The following ZNF674 variants were observed in gnomAD, a reference collection of about 807,000 sequenced individuals.
ZNF674 encodes zinc finger protein 674.
Under a neutral mutation model 7.0 loss-of-function variants are expected in ZNF674, and 2 were observed. The observed-to-expected ratio is 0.29, with a 90% CI of 0.12 to 0.90. ZNF674 has a LOEUF of 0.90. ZNF674 is among the 40% of genes least tolerant of loss of function. The pLI, the probability that ZNF674 is intolerant of heterozygous loss-of-function variation, is 0.57. For synonymous variants in ZNF674, 103 were observed against 145.2 expected (o/e 0.71, Z 2.09); for missense variants, 297 against 415.5 (o/e 0.71, Z 2.48).
intron 3 of ZNF674, among the ~76,000 whole-genome samples, chrX:46,535,458 A>G (rs1288844492): frequency 2.7e-5 from 3 of 111,881 alleles, no homozygotes; most frequent in African/African-American, 9.7e-5. Flanking sequence ...AAATTATATT[A>G]TGAAACATCA....
intron 5 of ZNF674, among the ~76,000 whole-genome samples, chrX:46,503,803 G>A (rs1011860695): frequency 2.7e-5 from 3 of 111,534 alleles, no homozygotes; most frequent in Admixed American, 9.6e-5. Context: ...CACTTATGAC[G>A]GATAAGAGGT....
intron 3 of ZNF674, among the ~76,000 whole-genome samples, chrX:46,529,907 A>T (rs1451686172): frequency 2.7e-5 from 3 of 111,507 alleles, no homozygotes; most frequent in Non-Finnish European, 5.6e-5. Context: ...AGTTCTAAAC[A>T]TAGCTAATCA....
chrX:46,530,850 G>A (rs747795703), intron 3 of ZNF674, among the ~76,000 whole-genome samples: 2 of 112,741 alleles, frequency 1.8e-5, no homozygotes, highest in South Asian at 3.6e-4. Context: ...ACTCCTGGGA[G>A]GGGAGAGGAG....
intron 5 of ZNF674, among the ~76,000 whole-genome samples, chrX:46,504,744 T>A (rs1017365653): frequency 8.1e-5 from 9 of 111,060 alleles, no homozygotes; most frequent in Non-Finnish European, 3.8e-5. Context: ...AAAAACATAG[T>A]TTAGAAGGAT....
Position 46,528,676 on chromosome X carries a change from G to A in ZNF674, c.142+107C>T, listed in dbSNP as rs920239051. ...GTGGGCAGTAACCCAAACTCACTGA[G>A]GGTGGTAACCCACACTCATTGTTCC... On this transcript the variant is annotated intron_variant, in intron 4 of 5. Coordinates refer to ENST00000683375, the MANE Select transcript of ZNF674 (RefSeq NM_001190417.2). 5.1e-4 allele frequency: 585 copies of A among 1,147,529 alleles called. 2 individuals carry two copies. Among genetic ancestry groups the A allele is most frequent in the Non-Finnish European group, 3.1e-4 (261 of 854,043 alleles). The allele number at this position is 1,147,529 out of a possible 1,213,427, so 94.6% of individuals were successfully genotyped here.
At chrX:46,524,938 C>T (rs1435385438) in intron 5 of ZNF674, among the ~76,000 whole-genome samples, 1 of 107,742 alleles carries the variant, frequency 9.3e-6, no homozygotes, top group Non-Finnish European at 1.9e-5. Flanking sequence ...TCAGCACAGG[C>T]GTTCGAGGCT....
chrX:46,512,306 G>A (rs1428246838), intron 5 of ZNF674, among the ~76,000 whole-genome samples: 2 of 102,486 alleles, frequency 2.0e-5, no homozygotes, highest in African/African-American at 3.6e-5. Flanking sequence ...CAGTTGCGGT[G>A]AGCCGAGATC....
intron 5 of ZNF674, among the ~76,000 whole-genome samples, chrX:46,524,698 GAAAA>G (rs566678084): frequency 1.3e-5 from 1 of 75,645 alleles, no homozygotes; most frequent in African/African-American, 4.8e-5. Flanking sequence ...AAGAAAAAAA[GAAAA>G]AAAAAAAAAA....
intron 5 of ZNF674, among the ~76,000 whole-genome samples, chrX:46,524,042 CAA>C (rs112490275): frequency 1.3e-4 from 9 of 70,400 alleles, no homozygotes; most frequent in African/African-American, 1.6e-4. Context: ...AACTCCATCT[CAA>C]AAAAAAAAAA....
intron 5 of ZNF674, chrX:46,525,406 C>T (rs778938128): frequency 8.5e-5 from 15 of 175,625 alleles, no homozygotes; most frequent in Admixed American, 7.8e-4. Context: ...AGTTCGAGAC[C>T]AGCCTGATGA....
At chrX:46,542,316 G>A (rs1160334867) in intron 2 of ZNF674, among the ~76,000 whole-genome samples, 200 bp from the exon 3 acceptor site, 1 of 112,228 alleles carries the variant, frequency 8.9e-6, no homozygotes, top group African/African-American at 3.2e-5. Context: ...CTGGACAGAT[G>A]TATGACTTGT....
At chrX:46,503,637 C>T (rs933159498) in intron 5 of ZNF674, among the ~76,000 whole-genome samples, 3 of 111,208 alleles carry the variant, frequency 2.7e-5, no homozygotes, top group East Asian at 2.8e-4. Context: ...AATAAAATTA[C>T]GGGAAAAGCT....
chrX:46,540,010 CGAG>C (rs1255748353), intron 3 of ZNF674, among the ~76,000 whole-genome samples: 2 of 111,599 alleles, frequency 1.8e-5, no homozygotes, highest in African/African-American at 6.5e-5. Flanking sequence ...TCTGGGAGGC[CGAG>C]GAGGGCGGAT....
chrX:46,512,607 A>T (rs749923275), intron 5 of ZNF674, among the ~76,000 whole-genome samples: 10 of 107,553 alleles, frequency 9.3e-5, no homozygotes, highest in African/African-American at 1.0e-4. Context: ...ACAAAAATAT[A>T]AAAAAAATTA....
intron 5 of ZNF674, among the ~76,000 whole-genome samples, chrX:46,505,895 T>G (rs1288826573): frequency 8.9e-6 from 1 of 111,970 alleles, no homozygotes; most frequent in East Asian, 2.8e-4. Context: ...CCCAGCTCCA[T>G]GAAAACTGGT....
intron 5 of ZNF674, among the ~76,000 whole-genome samples, chrX:46,513,533 A>G (rs188246092): frequency 2.2e-3 from 248 of 111,969 alleles, no homozygotes; most frequent in Non-Finnish European, 3.9e-3. Context: ...TTTAACATTG[A>G]TGATTCCTAT....
At position 46,499,983 on chromosome X, in the gene ZNF674, C is replaced by T. The variant is rs1207708058; in HGVS notation, c.1591G>A (p.Val531Met). The T allele has an allele frequency of 8.3e-7, 1 of 1,204,722 alleles. No individual in the cohort carries two copies. Among genetic ancestry groups the T allele is most frequent in the Non-Finnish European group, 1.1e-6 (1 of 892,207 alleles). ...TGATGCACAATGAGAGTTGATTTCA[C>T]ACTGAAGGCCTTCCCACATTCACTA... ...KCSECGKAFS[V>M]KSTLIVHHRT... Residue 531 changes from valine (V) to methionine (M), a missense_variant, in exon 6 of 6, where the codon GTG becomes ATG. Val to Met is a conservative substitution (Grantham distance 21, BLOSUM62 1). Coordinates refer to ENST00000683375, the MANE Select transcript of ZNF674 (RefSeq NM_001190417.2).
At chrX:46,513,963 G>A (rs1324408650) in intron 5 of ZNF674, among the ~76,000 whole-genome samples, 2 of 111,154 alleles carry the variant, frequency 1.8e-5, no homozygotes, top group Non-Finnish European at 3.8e-5. Flanking sequence ...TATTCTGAAG[G>A]CTGAGGCAGA....
Position 46,501,250 on chromosome X carries a change from T to C in ZNF674, c.324A>G (p.Glu108=), listed in dbSNP as rs1307384618. The C allele has an allele frequency of 1.7e-6, 2 of 1,211,443 alleles. No individual in the cohort carries two copies. The highest frequency in any genetic ancestry group is 2.2e-6 in the Non-Finnish European group (2 of 895,046). ...CTTGACCACTTTCATCCTTCAGTGT[T>C]TCCTTGCCTATGAATGCAGCTTGCC... ...FLWQAAFIGK[E]TLKDESGQEC... Residue 108 remains glutamate, a synonymous_variant, in exon 6 of 6, where the codon GAA becomes GAG. Transcript: ENST00000683375.
Sources: allele counts gnomAD v4.1 joint callset (sites outside exome capture counted in the v4.1 genomes callset), GRCh38; gene constraint gnomAD v4.1.1; transcripts MANE v1.5; gene names NCBI Gene and HGNC (gene_info 2026-07-23, HGNC 2026-07-21).